Variants in HIVEP3 observed in about 807,000 individuals in gnomAD.
HIVEP3 encodes the protein transcription factor HIVEP3.
In HIVEP3, 49 loss-of-function variants were observed where a neutral mutation model predicts 152.8. The ratio of observed to expected loss-of-function variants is 0.32; its 90% CI spans 0.26 to 0.41. HIVEP3 has a LOEUF of 0.41. HIVEP3 is among the 10% of genes least tolerant of loss of function. The pLI, the probability that HIVEP3 is intolerant of heterozygous loss-of-function variation, is 1.00. For synonymous variants in HIVEP3, 1,269 were observed against 1,289.0 expected, an observed-to-expected ratio of 0.98 and a Z score of 0.33; for missense variants, 2,790 against 3,103.3, an observed-to-expected ratio of 0.90 and a Z score of 2.40.
intron 3 of HIVEP3, among the ~76,000 whole-genome samples, chr1:41,610,968 A>C (rs1432347623): frequency 1.3e-5 from 2 of 152,320 alleles, no homozygotes; most frequent in South Asian, 2.1e-4. Context: ...GTGGGGCTGC[A>C]TTTCCAAAAA....
intron 3 of HIVEP3, among the ~76,000 whole-genome samples, chr1:41,603,322 C>A (rs1014961298): frequency 6.6e-6 from 1 of 152,002 alleles, no homozygotes; most frequent in African/African-American, 2.4e-5. Context: ...CCCACCTCGG[C>A]CTCCCAAAGC....
chr1:41,834,205 G>A (rs1287920390), intron 1 of HIVEP3, among the ~76,000 whole-genome samples: 1 of 152,134 alleles, frequency 6.6e-6, no homozygotes, highest in African/African-American at 2.4e-5. Context: ...GACAGGAGGG[G>A]TGATGGCCAT....
intron 2 of HIVEP3, among the ~76,000 whole-genome samples, chr1:41,658,582 C>G (rs1023988762): frequency 2.0e-5 from 3 of 152,188 alleles, no homozygotes. Context: ...TTCACCCCCC[C>G]CATGAGCCTC....
intron 1 of HIVEP3, among the ~76,000 whole-genome samples, chr1:41,871,980 A>T (rs1201648641): frequency 6.6e-6 from 1 of 152,228 alleles, no homozygotes; most frequent in Non-Finnish European, 1.5e-5. Flanking sequence ...TATAATTTAT[A>T]TACAGTAAAA....
At chr1:41,575,808 A>T in intron 4 of HIVEP3, 119 bp from the exon 5 acceptor site, 1 of 1,089,768 alleles carries the variant, frequency 9.2e-7, no homozygotes, top group Non-Finnish European at 1.3e-6. Context: ...TGCAATCTTC[A>T]CACTCCCCCA....
At chr1:41,796,366 G>A (rs1649982561) in intron 1 of HIVEP3, among the ~76,000 whole-genome samples, 1 of 152,250 alleles carries the variant, frequency 6.6e-6, no homozygotes, top group African/African-American at 2.4e-5. Context: ...TGGGCCTGGA[G>A]AAAGCAACAG....
intron 1 of HIVEP3, among the ~76,000 whole-genome samples, chr1:41,841,975 C>T (rs1025592667): frequency 2.0e-5 from 3 of 151,978 alleles, no homozygotes; most frequent in Non-Finnish European, 4.4e-5. Context: ...CACCTGTAGT[C>T]CTAGCTACTC....
chr1:41,564,035 T>C (rs34665232), intron 5 of HIVEP3, among the ~76,000 whole-genome samples: 6,681 of 152,090 alleles, frequency 0.044, 176 homozygotes, highest in Middle Eastern at 0.099. Flanking sequence ...CTACTCAAAA[T>C]ACAAAAAATT....
intron 1 of HIVEP3, among the ~76,000 whole-genome samples, chr1:41,774,761 A>T (rs1462931801): frequency 7.0e-6 from 1 of 142,358 alleles, no homozygotes; most frequent in African/African-American, 2.8e-5. Flanking sequence ...AGTTTTCACA[A>T]GCATCTTTTA....
chr1:42,030,984 C>G (rs1220302691), intron 1 of HIVEP3, among the ~76,000 whole-genome samples: 3 of 152,202 alleles, frequency 2.0e-5, no homozygotes, highest in Admixed American at 1.3e-4. Flanking sequence ...ACCATTTACT[C>G]ATGTCTAGAT....
intron 1 of HIVEP3, among the ~76,000 whole-genome samples, chr1:41,876,696 TAAATGTAAGACTG>T (rs1301953599): frequency 6.6e-6 from 1 of 152,188 alleles, no homozygotes; most frequent in African/African-American, 2.4e-5. Flanking sequence ...TGGCCACTCT[TAAATGTAAGACTG>T]AAATTCAGCA....
At chr1:42,022,653 C>T (rs1224024126) in intron 1 of HIVEP3, among the ~76,000 whole-genome samples, 1 of 152,208 alleles carries the variant, frequency 6.6e-6, no homozygotes, top group Non-Finnish European at 1.5e-5. Context: ...ACACTAAATG[C>T]ATATTTTTAA....
chr1:41,671,399 C>T (rs555227047), intron 2 of HIVEP3, among the ~76,000 whole-genome samples: 2 of 152,326 alleles, frequency 1.3e-5, no homozygotes, highest in South Asian at 2.1e-4. Context: ...GGGATTTGCT[C>T]CTTCTGGAAT....
Position 41,889,715 on chromosome 1 carries a change from C to G in HIVEP3, c.-801+28698G>C, listed in dbSNP as rs11210540. Among the ~76,000 whole-genome samples, 1,057 of 152,156 alleles carry G rather than the reference C, an allele frequency of 6.9e-3. 45 individuals carry two copies. In the East Asian group the frequency reaches 0.11, roughly 16 times the overall value. Reference sequence around the variant, plus strand: ...GGAGCCCTGTGGGGAATGAGGGCACCCATTGTCCCCTGCAGAGCAGTTGTG... The same window carrying G: ...GGAGCCCTGTGGGGAATGAGGGCACGCATTGTCCCCTGCAGAGCAGTTGTG... On this transcript the variant is annotated intron_variant, in intron 1 of 8. Coordinates refer to ENST00000372583, the MANE Select transcript of HIVEP3 (RefSeq NM_024503.5).
chr1:41,639,812 T>C (rs1481540682), intron 2 of HIVEP3, among the ~76,000 whole-genome samples: 1 of 152,192 alleles, frequency 6.6e-6, no homozygotes, highest in Non-Finnish European at 1.5e-5. Context: ...GACAAGAGGC[T>C]TCTCTCTCAC....
At chr1:41,612,414 G>T (rs2149133864) in intron 3 of HIVEP3, among the ~76,000 whole-genome samples, 1 of 152,274 alleles carries the variant, frequency 6.6e-6, no homozygotes, top group East Asian at 1.9e-4. Flanking sequence ...CCTCCTTGCA[G>T]ACCTCCTGTT....
chr1:41,727,170 G>A (rs973879404), intron 1 of HIVEP3, among the ~76,000 whole-genome samples: 1 of 152,226 alleles, frequency 6.6e-6, no homozygotes, highest in Non-Finnish European at 1.5e-5. Context: ...AGTTACTGGA[G>A]CTTCACGTGT....
At chr1:41,544,892 CACCA>C (rs1558046612) in intron 5 of HIVEP3, among the ~76,000 whole-genome samples, 2 of 11,358 alleles carry the variant, frequency 1.8e-4, no homozygotes, top group African/African-American at 1.1e-3. Flanking sequence ...CCTCTACCAC[CACCA>C]TCACCACCAC....
chr1:41,754,574 G>A (rs1317563711), intron 1 of HIVEP3, among the ~76,000 whole-genome samples: 1 of 152,212 alleles, frequency 6.6e-6, no homozygotes, highest in Non-Finnish European at 1.5e-5. Context: ...CAGAAGCTGA[G>A]ATGAGCGACA....
Sources: allele counts gnomAD v4.1 joint callset (sites outside exome capture counted in the v4.1 genomes callset), GRCh38; gene constraint gnomAD v4.1.1; transcripts MANE v1.5; gene names NCBI Gene and HGNC (gene_info 2026-07-23, HGNC 2026-07-21).